Variants in CKM observed in about 807,000 individuals in gnomAD.
CKM encodes the protein creatine kinase M-type.
A neutral mutation model predicts 35.4 loss-of-function variants in CKM; 28 were observed. The observed-to-expected ratio is 0.79, with a 90% CI of 0.59 to 1.08. The LOEUF (loss-of-function observed/expected upper bound fraction) is 1.08. Ranked by LOEUF, CKM falls within the 50% of genes least tolerant of loss-of-function variation. CKM has a pLI of 0.00. For missense variants in CKM, 484 were observed against 509.8 expected, an observed-to-expected ratio of 0.95 and a Z score of 0.49; for synonymous variants, 215 against 204.4, an observed-to-expected ratio of 1.05 and a Z score of -0.44.
intron 7 of CKM, 44 bp downstream of exon 7, chr19:45,307,417 C>T: frequency 6.3e-7 from 1 of 1,592,382 alleles, no homozygotes; most frequent in Non-Finnish European, 8.6e-7. Flanking sequence ...GCAAAGGGCC[C>T]TCGCTCCCCC....
intron 5 of CKM, among the ~76,000 whole-genome samples, chr19:45,311,016 G>A (rs1367041012): frequency 2.7e-5 from 4 of 145,726 alleles, no homozygotes; most frequent in South Asian, 2.2e-4. Context: ...TCCTGACCTC[G>A]TGATCCGCCC....
At chr19:45,322,506 G>A (rs1413275757) in intron 1 of CKM, among the ~76,000 whole-genome samples, 3 of 152,184 alleles carry the variant, frequency 2.0e-5, no homozygotes, top group African/African-American at 7.2e-5. Context: ...ATGAACACAG[G>A]CCTGGCTCAA....
At chr19:45,312,126 T>C (rs1481443044) in intron 4 of CKM, among the ~76,000 whole-genome samples, 2 of 152,222 alleles carry the variant, frequency 1.3e-5, no homozygotes, top group Non-Finnish European at 2.9e-5. Flanking sequence ...CCCCCAGGAA[T>C]GGCCACCCCA....
At chr19:45,307,373 C>T in intron 7 of CKM, 88 bp downstream of exon 7, 1 of 1,289,414 alleles carries the variant, frequency 7.8e-7, no homozygotes, top group South Asian at 1.3e-5. Context: ...ATCCCCAGAA[C>T]TCGCAGGGAT....
chr19:45,317,793 C>A (rs375298915), intron 3 of CKM, 32 bp downstream of exon 3: 1 of 1,613,152 alleles, frequency 6.2e-7, no homozygotes, highest in African/African-American at 1.3e-5. Context: ...CCTCCTCACC[C>A]CTCGGCCCTC....
rs1599813580 is a variant in CKM at position 45,307,630 on chromosome 19, T to C, written c.798A>G (p.Lys266=). 1 of 1,613,986 alleles carries C rather than the reference T, an allele frequency of 6.2e-7. No individual in the cohort carries two copies. The highest frequency in any genetic ancestry group is 8.5e-7 in the Non-Finnish European group (1 of 1,180,020). ...GGTTCCACATGAAGGGGTGGCCAGC[T>C]TTCTTAAAGATCTCCTCAATCTGAG... ...GLQKIEEIFK[K]AGHPFMWNQH... is the part of the protein sequence containing the mutation. The change falls in exon 7 of 8, where the codon AAA becomes AAG. Residue 266 remains lysine (K), a synonymous_variant. Coordinates refer to ENST00000221476, the MANE Select transcript of CKM (RefSeq NM_001824.5).
At chr19:45,316,979 C>T (rs1971164557) in intron 3 of CKM, among the ~76,000 whole-genome samples, 1 of 152,054 alleles carries the variant, frequency 6.6e-6, no homozygotes, top group Admixed American at 6.6e-5. Flanking sequence ...GCCACTGTGC[C>T]CGGCTATGCC....
At position 45,322,756 on chromosome 19, in the gene CKM, A is replaced by C. The variant is rs1971225148; in HGVS notation, c.-19+65T>G. 6 of 949,926 alleles carry C rather than the reference A, an allele frequency of 6.3e-6. No individual in the cohort carries two copies. The South Asian group carries it at 2.4e-4, about 38-fold the overall frequency. 58.8% of individuals were successfully genotyped at this position (949,926 alleles called of 1,614,324 possible). A position where few individuals can be genotyped will look rare whatever the true frequency, so the allele number is the denominator to read the frequency against. ...GACACACAGACCCTTTCCCAAGCCAAGCCTCTAGCACCCACAGAAATCCCC... is the reference window on the plus strand; with the variant it reads ...GACACACAGACCCTTTCCCAAGCCACGCCTCTAGCACCCACAGAAATCCCC... On this transcript the variant is annotated intron_variant, in intron 1 of 7. Transcript: ENST00000221476.
intron 7 of CKM, 150 bp downstream of exon 7, chr19:45,307,311 C>T (rs971815568): frequency 1.2e-5 from 8 of 690,508 alleles, no homozygotes; most frequent in Non-Finnish European, 1.7e-5. Context: ...CATATTGACA[C>T]CCATTTTACA....
At chr19:45,320,739 C>T (rs1288498907) in intron 1 of CKM, among the ~76,000 whole-genome samples, 1 of 152,168 alleles carries the variant, frequency 6.6e-6, no homozygotes, top group African/African-American at 2.4e-5. Flanking sequence ...GGGCAAGTTG[C>T]TTAACCTCTG....
intron 7 of CKM, among the ~76,000 whole-genome samples, chr19:45,307,224 C>G (rs1971061465): frequency 1.3e-5 from 2 of 152,110 alleles, no homozygotes; most frequent in Admixed American, 1.3e-4. Context: ...AAACTGAGGC[C>G]CCGAGGGAGG....
chr19:45,309,536 A>T (rs1443014341), intron 5 of CKM, among the ~76,000 whole-genome samples: 84 of 127,008 alleles, frequency 6.6e-4, no homozygotes, highest in Middle Eastern at 0.012. Context: ...AGCCTGGGCA[A>T]CAGAGCAAGA....
Position 45,307,529 on chromosome 19 carries a change from G to T in CKM, c.899C>A (p.Ala300Glu), listed in dbSNP as rs763411131. 5.6e-6 allele frequency: 9 copies of T among 1,614,028 alleles called. No individual in the cohort carries two copies. The highest frequency in any genetic ancestry group is 7.6e-6 in the Non-Finnish European group (9 of 1,179,944). ...GAACTTGGGGTGCTTGCTCAGGTGC[G>T]CCAGCTTCACATGCACGCCTCCACG... ...GLRGGVHVKL[A>E]HLSKHPKFEE... is the part of the protein sequence containing the mutation. Residue 300 changes from alanine (A) to glutamate (E), a missense_variant, in exon 7 of 8, where the codon GCG (alanine) becomes GAG (glutamate). By Grantham distance (107) the Ala-to-Glu change is moderately radical. Transcript: ENST00000221476.
intron 5 of CKM, among the ~76,000 whole-genome samples, chr19:45,310,287 A>AT (rs1009578003): frequency 4.6e-5 from 7 of 151,676 alleles, no homozygotes; most frequent in African/African-American, 7.3e-5. Flanking sequence ...AGCCCAGCTA[A>AT]TTTTTTGTAT....
chr19:45,308,454 G>GC lies in CKM; in HGVS notation c.731dup (p.Asn245GlnfsTer17). The GC allele has an allele frequency of 6.2e-7, 1 of 1,614,102 alleles. No individual in the cohort carries two copies. Among genetic ancestry groups the GC allele is most frequent in the Non-Finnish European group, 8.5e-7 (1 of 1,179,988 alleles). On this transcript the variant is annotated frameshift_variant, in exon 6 of 8. Transcript: ENST00000221476. LOFTEE classifies it high-confidence loss of function. ...AGCGGCGGAAAACCTCCTTCATGTT[G>GC]CCCCCCTTCTCCATGGAGATGACCC...
At chr19:45,315,906 C>T (rs1971154069) in intron 3 of CKM, among the ~76,000 whole-genome samples, 1 of 144,554 alleles carries the variant, frequency 6.9e-6, no homozygotes, top group Non-Finnish European at 1.5e-5. Context: ...TGCAGTGGTG[C>T]CATCATAGCT....
intron 5 of CKM, 152 bp from the exon 6 acceptor site, chr19:45,308,684 T>G: frequency 1.1e-6 from 1 of 938,744 alleles, no homozygotes; most frequent in Non-Finnish European, 1.7e-6. Context: ...CGCAGAAGCT[T>G]AAACCTGTAG....
intron 5 of CKM, among the ~76,000 whole-genome samples, chr19:45,309,637 G>A (rs1466655337): frequency 9.2e-5 from 14 of 151,884 alleles, no homozygotes; most frequent in Admixed American, 3.9e-4. Flanking sequence ...TGAGGTGGGC[G>A]GATCACTTAA....
At position 45,320,700 on chromosome 19, in the gene CKM, C is replaced by T. The variant is rs564405863; in HGVS notation, c.-18-969G>A. 3.9e-5 allele frequency among the ~76,000 whole-genome samples: 6 copies of T among 152,270 alleles called. No individual in the cohort carries two copies. In the South Asian group the frequency reaches 1.0e-3, roughly 26 times the overall value. On this transcript the variant is annotated intron_variant, in intron 1 of 7. Transcript: ENST00000221476. ...TCAGCCCAGGGTTTGATTCCCAGCTCTGCTACCTACAACCAGCTGTGTGGC... is the reference window on the plus strand; with the variant it reads ...TCAGCCCAGGGTTTGATTCCCAGCTTTGCTACCTACAACCAGCTGTGTGGC...
Sources: gnomAD v4.1 joint callset for allele counts (sites outside exome capture counted in the v4.1 genomes callset) on GRCh38, gnomAD v4.1.1 for gene constraint, MANE v1.5 for transcripts, NCBI Gene and HGNC (gene_info 2026-07-23, HGNC 2026-07-21) for gene names.